STAG1: variants seen among roughly 807,000 people sequenced by gnomAD.
STAG1 encodes cohesin subunit SA-1.
In STAG1, 26 loss-of-function variants were observed where a neutral mutation model predicts 170.9. The ratio of observed to expected loss-of-function variants is 0.15; its 90% confidence interval spans 0.11 to 0.21. The LOEUF (loss-of-function observed/expected upper bound fraction) is 0.21, where lower values mean the gene tolerates loss of function less well. STAG1 is among the 10% of genes least tolerant of loss of function. STAG1 has a pLI of 1.00. For missense variants in STAG1, 964 were observed against 1,509.5 expected, an observed-to-expected ratio of 0.64 and a Z score of 5.99; for synonymous variants, 514 against 497.7, an observed-to-expected ratio of 1.03 and a Z score of -0.44.
At chr3:136,658,197 CAA>C (rs78966136) in intron 1 of STAG1, among the ~76,000 whole-genome samples, 55 of 115,702 alleles carry the variant, frequency 4.8e-4, no homozygotes, top group East Asian at 4.8e-4. Context: ...ATCTTCCACC[CAA>C]AAAAAAAAAA....
chr3:136,357,258 C>T (rs977234258), intron 28 of STAG1, among the ~76,000 whole-genome samples: 3 of 151,984 alleles, frequency 2.0e-5, no homozygotes, highest in Non-Finnish European at 4.4e-5. Context: ...TAGAAGTTTT[C>T]TGGTTTGGTT....
At chr3:136,626,417 T>C (rs1280109798) in intron 2 of STAG1, among the ~76,000 whole-genome samples, 1 of 142,084 alleles carries the variant, frequency 7.0e-6, no homozygotes, top group Non-Finnish European at 1.5e-5. Flanking sequence ...AGAGTGAGAC[T>C]ACATCTCAAA....
intron 2 of STAG1, among the ~76,000 whole-genome samples, chr3:136,625,623 A>G (rs532910831): frequency 2.0e-5 from 3 of 152,290 alleles, no homozygotes; most frequent in Middle Eastern, 6.8e-3. Context: ...TGATAGAATG[A>G]TATCAGTCTT....
At chr3:136,742,113 T>C (rs567752748) in intron 1 of STAG1, among the ~76,000 whole-genome samples, 9 of 152,328 alleles carry the variant, frequency 5.9e-5, no homozygotes, top group Admixed American at 3.3e-4. Context: ...ATATTTTAAC[T>C]TTCTTCTTGG....
At chr3:136,749,909 T>C (rs985144862) in intron 1 of STAG1, among the ~76,000 whole-genome samples, 1 of 139,642 alleles carries the variant, frequency 7.2e-6, no homozygotes, top group Non-Finnish European at 1.6e-5. Context: ...TGTTATGCAT[T>C]AAAAAAAAAA....
At chr3:136,517,097 A>C (rs1934414904) in intron 7 of STAG1, among the ~76,000 whole-genome samples, 1 of 152,228 alleles carries the variant, frequency 6.6e-6, no homozygotes, top group African/African-American at 2.4e-5. Context: ...TCAATAATGA[A>C]TCATATGTGA....
intron 22 of STAG1, among the ~76,000 whole-genome samples, chr3:136,380,019 G>T (rs1282850966): frequency 6.6e-6 from 1 of 152,126 alleles, no homozygotes; most frequent in Admixed American, 6.5e-5. Context: ...GTTGAGAGCT[G>T]ATATGTACCA....
At chr3:136,389,351 G>A (rs111915749) in intron 22 of STAG1, among the ~76,000 whole-genome samples, 7 of 152,078 alleles carry the variant, frequency 4.6e-5, no homozygotes, top group Admixed American at 3.3e-4. Context: ...ACTCTGTCAC[G>A]CAGGGTGGAG....
At chr3:136,620,913 A>T (rs1415403092) in intron 3 of STAG1, among the ~76,000 whole-genome samples, 3 of 152,214 alleles carry the variant, frequency 2.0e-5, no homozygotes, top group Non-Finnish European at 4.4e-5. Flanking sequence ...TTGGGTACAC[A>T]GACTTCTTTT....
chr3:136,390,101 G>A lies in STAG1; in HGVS notation c.2277+8648C>T, dbSNP rs989289146. Among the ~76,000 whole-genome samples the A allele has an allele frequency of 2.0e-5, 3 of 152,060 alleles. No individual in the cohort carries two copies. The East Asian group carries it at 5.8e-4, about 29-fold the overall frequency. The stretch of plus-strand genomic sequence containing the variant: ...CCACCTTGGCCACCCAAATTGCTGG[G>A]ATTAGAGGTGTGAGTCACCACGCCC... On this transcript the variant is annotated intron_variant, in intron 22 of 33. Coordinates refer to ENST00000383202, the MANE Select transcript of STAG1 (RefSeq NM_005862.3).
intron 1 of STAG1, among the ~76,000 whole-genome samples, chr3:136,698,975 T>C (rs1942973630): frequency 6.6e-6 from 1 of 152,052 alleles, no homozygotes; most frequent in Non-Finnish European, 1.5e-5. Flanking sequence ...GAAAACCAAA[T>C]ATGGTTATGC....
intron 13 of STAG1, among the ~76,000 whole-genome samples, chr3:136,461,104 G>C (rs1322747297): frequency 6.6e-6 from 1 of 152,078 alleles, no homozygotes; most frequent in Non-Finnish European, 1.5e-5. Flanking sequence ...CCTCTCAACA[G>C]AGAAAAAGCA....
At chr3:136,530,814 T>C (rs1935331245) in intron 6 of STAG1, among the ~76,000 whole-genome samples, 1 of 152,030 alleles carries the variant, frequency 6.6e-6, no homozygotes, top group African/African-American at 2.4e-5. Flanking sequence ...AAAAGAGTAA[T>C]AAGGTTTCAG....
At chr3:136,570,061 G>A (rs1474711566) in intron 4 of STAG1, among the ~76,000 whole-genome samples, 4 of 152,072 alleles carry the variant, frequency 2.6e-5, no homozygotes, top group Non-Finnish European at 4.4e-5. Context: ...AAAATTTTGT[G>A]TACTAAGGTA....
intron 4 of STAG1, among the ~76,000 whole-genome samples, chr3:136,582,124 T>G (rs1406258876): frequency 2.7e-5 from 4 of 150,350 alleles, no homozygotes; most frequent in Admixed American, 2.0e-4. Flanking sequence ...CAGTGGAAGG[T>G]GCTAAGTGGA....
Position 136,424,853 on chromosome 3 carries a change from T to G in STAG1, c.1651-1809A>C, listed in dbSNP as rs575721130. On this transcript the variant is annotated intron_variant, in intron 16 of 33. Coordinates refer to ENST00000383202, the MANE Select transcript of STAG1 (RefSeq NM_005862.3). ...GATATGCATAAGATTATTCATTATT[T>G]CTTTTTTGATGGAGTCTCACTCTGT... Among the ~76,000 whole-genome samples, 23 of 152,294 alleles carry G rather than the reference T, an allele frequency of 1.5e-4. No homozygotes were observed. In the East Asian group the frequency reaches 4.0e-3, roughly 27 times the overall value.
At position 136,349,348 on chromosome 3, in the gene STAG1, C is replaced by T; in HGVS notation, c.3081G>A (p.Glu1027=). Residue 1027 remains glutamate, a synonymous_variant, in exon 29 of 34, where the codon GAG becomes GAA. Transcript: ENST00000383202. ...CCATCATCTGCTCGGTAAGGAATTTCTCTAGGTATGAATGACTAGAAACAC... is the reference window on the plus strand; with the variant it reads ...CCATCATCTGCTCGGTAAGGAATTTTTCTAGGTATGAATGACTAGAAACAC... ...QDKKTVHSYL[E]KFLTEQMMER... The T allele has an allele frequency of 6.2e-7, 1 of 1,613,532 alleles. No homozygotes were observed. The highest frequency in any genetic ancestry group is 8.5e-7 in the Non-Finnish European group (1 of 1,179,488).
intron 16 of STAG1, among the ~76,000 whole-genome samples, chr3:136,427,818 T>C (rs2088177161): frequency 1.3e-5 from 2 of 152,152 alleles, no homozygotes; most frequent in South Asian, 4.1e-4. Flanking sequence ...ACTCATATGA[T>C]TTTAAAAAAG....
At chr3:136,368,263 T>G (rs1490933796) in intron 24 of STAG1, among the ~76,000 whole-genome samples, 3 of 152,318 alleles carry the variant, frequency 2.0e-5, no homozygotes, top group African/African-American at 7.2e-5. Flanking sequence ...TATATTATTT[T>G]AGAGAGCTTA....
Sources: gnomAD v4.1 joint callset for allele counts (sites outside exome capture counted in the v4.1 genomes callset) on GRCh38, gnomAD v4.1.1 for gene constraint, MANE v1.5 for transcripts, NCBI Gene and HGNC (gene_info 2026-07-23, HGNC 2026-07-21) for gene names.